EXOC6B: variants seen among roughly 807,000 people sequenced by gnomAD.
EXOC6B encodes SEC15 homolog B.
EXOC6B carries 54 observed loss-of-function variants against 113.5 expected under a neutral mutation model. That is an observed-to-expected ratio of 0.48 (90% CI 0.38 to 0.60). The LOEUF (loss-of-function observed/expected upper bound fraction) is 0.60. Ranked by LOEUF, EXOC6B falls within the 20% of genes least tolerant of loss-of-function variation. EXOC6B has a pLI of 0.00. For synonymous variants in EXOC6B, 357 were observed against 339.0 expected (o/e 1.05, Z -0.58); for missense variants, 797 against 977.5 (o/e 0.82, Z 2.46).
intron 8 of EXOC6B, among the ~76,000 whole-genome samples, chr2:72,519,039 C>T (rs139033388): frequency 1.1e-4 from 17 of 152,228 alleles, no homozygotes; most frequent in African/African-American, 3.1e-4. Flanking sequence ...ATAAACAGTA[C>T]ATCATTATTC....
intron 18 of EXOC6B, among the ~76,000 whole-genome samples, chr2:72,461,291 C>T (rs1323037637): frequency 2.0e-5 from 3 of 148,870 alleles, no homozygotes; most frequent in Non-Finnish European, 4.5e-5. Context: ...CACACCAGCA[C>T]GGCACATGTA....
chr2:72,497,985 G>T (rs1700124631), intron 13 of EXOC6B, among the ~76,000 whole-genome samples: 1 of 152,180 alleles, frequency 6.6e-6, no homozygotes, highest in Admixed American at 6.5e-5. Context: ...CCTTTGCTGT[G>T]TGTGGAGAGG....
intron 20 of EXOC6B, among the ~76,000 whole-genome samples, chr2:72,283,636 G>GA (rs1685258990): frequency 1.3e-5 from 2 of 151,788 alleles, no homozygotes; most frequent in African/African-American, 4.8e-5. Context: ...GTAAATATCA[G>GA]AAAAAAAATT....
intron 18 of EXOC6B, among the ~76,000 whole-genome samples, chr2:72,426,481 G>A (rs1239023507): frequency 6.6e-6 from 1 of 152,074 alleles, no homozygotes; most frequent in Non-Finnish European, 1.5e-5. Flanking sequence ...CAGGTCTGAA[G>A]TTGACATTTA....
At chr2:72,672,479 G>A (rs12468179) in intron 6 of EXOC6B, among the ~76,000 whole-genome samples, 90,659 of 147,804 alleles carry the variant, frequency 0.61, 33,629 homozygotes, top group East Asian at 0.99. Context: ...CCCGGGAGGC[G>A]GAGCTTGCAG....
intron 18 of EXOC6B, among the ~76,000 whole-genome samples, chr2:72,415,193 G>A (rs547477435): frequency 2.0e-5 from 3 of 152,100 alleles, no homozygotes; most frequent in African/African-American, 2.4e-5. Context: ...TGAGCTTTAC[G>A]GTTCTAAATT....
intron 19 of EXOC6B, among the ~76,000 whole-genome samples, chr2:72,370,848 A>C (rs1334621238): frequency 7.9e-6 from 1 of 126,792 alleles, no homozygotes; most frequent in Non-Finnish European, 1.6e-5. Context: ...AACATCACAC[A>C]CTGGGGCCTG....
chr2:72,642,140 G>C (rs937016476), intron 6 of EXOC6B, among the ~76,000 whole-genome samples: 4 of 152,166 alleles, frequency 2.6e-5, no homozygotes, highest in Non-Finnish European at 4.4e-5. Context: ...AGAAATGAGA[G>C]CAGAGCATGG....
At chr2:72,248,869 A>ATT (rs1316949447) in intron 20 of EXOC6B, among the ~76,000 whole-genome samples, 1 of 152,226 alleles carries the variant, frequency 6.6e-6, no homozygotes, top group Non-Finnish European at 1.5e-5. Flanking sequence ...GGGTGAATTG[A>ATT]TCACTGTCAA....
intron 20 of EXOC6B, among the ~76,000 whole-genome samples, chr2:72,214,395 G>T (rs1291327756): frequency 6.6e-6 from 1 of 151,814 alleles, no homozygotes; most frequent in African/African-American, 2.4e-5. Flanking sequence ...GGAGGCTGAG[G>T]CAGGAGAATG....
chr2:72,516,876 A>T (rs564182222), intron 8 of EXOC6B, among the ~76,000 whole-genome samples: 1 of 152,350 alleles, frequency 6.6e-6, no homozygotes, highest in East Asian at 1.9e-4. Context: ...AAAATAAATA[A>T]GATAAAATCA....
At chr2:72,548,814 A>G (rs1204142472) in intron 8 of EXOC6B, among the ~76,000 whole-genome samples, 1 of 152,210 alleles carries the variant, frequency 6.6e-6, no homozygotes, top group East Asian at 1.9e-4. Flanking sequence ...AATAAAGTTA[A>G]GCAGTAATAT....
chr2:72,595,529 T>C (rs1404039207), intron 6 of EXOC6B, among the ~76,000 whole-genome samples: 1 of 151,680 alleles, frequency 6.6e-6, no homozygotes, highest in Non-Finnish European at 1.5e-5. Flanking sequence ...AGACACAACA[T>C]GCTTTTATAA....
At chr2:72,606,764 C>A (rs1670780999) in intron 6 of EXOC6B, among the ~76,000 whole-genome samples, 1 of 151,624 alleles carries the variant, frequency 6.6e-6, no homozygotes, top group African/African-American at 2.4e-5. Flanking sequence ...GAGTAGCCCA[C>A]CATGCTCTGC....
chr2:72,391,400 C>T (rs545726360), intron 18 of EXOC6B, among the ~76,000 whole-genome samples: 25 of 152,160 alleles, frequency 1.6e-4, no homozygotes, highest in African/African-American at 4.8e-4. Flanking sequence ...CATTTTTATA[C>T]GAAGTCAGCC....
chr2:72,475,895 A>G (rs1467612727), intron 17 of EXOC6B, among the ~76,000 whole-genome samples: 4 of 152,280 alleles, frequency 2.6e-5, no homozygotes, highest in Non-Finnish European at 2.9e-5. Context: ...TCATGATAGC[A>G]TCTCGGCCCC....
chr2:72,401,591 A>ATATG (rs1693263295), intron 18 of EXOC6B, among the ~76,000 whole-genome samples: 1 of 43,424 alleles, frequency 2.3e-5, no homozygotes, highest in Non-Finnish European at 3.5e-5. Flanking sequence ...ACATATATAT[A>ATATG]TATATATATA....
At chr2:72,786,654 CA>C (rs1403037194) in intron 1 of EXOC6B, among the ~76,000 whole-genome samples, 3 of 152,126 alleles carry the variant, frequency 2.0e-5, no homozygotes, top group Non-Finnish European at 4.4e-5. Flanking sequence ...AAAGAACCAG[CA>C]AAGATCTGAT....
At chr2:72,193,394 C>G (rs1359252406) in intron 20 of EXOC6B, among the ~76,000 whole-genome samples, 1 of 152,182 alleles carries the variant, frequency 6.6e-6, no homozygotes, top group African/African-American at 2.4e-5. Flanking sequence ...AGAAGGGCAT[C>G]CTGAGTCTGC....
Sources: allele counts gnomAD v4.1 joint callset (sites outside exome capture counted in the v4.1 genomes callset), GRCh38; gene constraint gnomAD v4.1.1; transcripts MANE v1.5; gene names NCBI Gene and HGNC (gene_info 2026-07-23, HGNC 2026-07-21).